KAT2B: variants seen among roughly 807,000 people sequenced by gnomAD.
KAT2B encodes the protein histone acetyltransferase KAT2B.
KAT2B carries 36 observed loss-of-function variants against 105.9 expected under a neutral mutation model. The observed-to-expected ratio is 0.34, with a 90% CI of 0.26 to 0.45. KAT2B has a LOEUF of 0.45. KAT2B is among the 20% of genes least tolerant of loss of function. The pLI is 1.00. For synonymous variants in KAT2B, 397 were observed against 377.9 expected (o/e 1.05, Z -0.59); for missense variants, 820 against 1,021.6 (o/e 0.80, Z 2.69).
chr3:20,060,447 C>T (rs1284799105), intron 1 of KAT2B, among the ~76,000 whole-genome samples: 2 of 151,866 alleles, frequency 1.3e-5, no homozygotes, highest in Non-Finnish European at 2.9e-5. Flanking sequence ...ACTAAAAATA[C>T]AAAATTAGCT....
intron 3 of KAT2B, among the ~76,000 whole-genome samples, chr3:20,096,290 T>C (rs1460891173): frequency 6.6e-6 from 1 of 152,200 alleles, no homozygotes; most frequent in Non-Finnish European, 1.5e-5. Flanking sequence ...TCACTAGTTC[T>C]ACCTCAGCTC....
chr3:20,126,052 G>C lies in KAT2B; in HGVS notation c.1561G>C (p.Val521Leu). 6.2e-7 allele frequency: 1 copy of C among 1,613,938 alleles called. No homozygotes were observed. Among genetic ancestry groups the C allele is most frequent in the Non-Finnish European group, 8.5e-7 (1 of 1,179,938 alleles). ...ILMWLVGLQN[V>L]FSHQLPRMPK... The stretch of plus-strand genomic sequence containing the variant: ...GATGTGGCTGGTTGGCCTACAGAAC[G>C]TTTTCTCCCACCAGCTGCCCCGAAT... Residue 521 changes from valine (V) to leucine (L), a missense_variant, in exon 10 of 18, where the codon GTT becomes CTT. By Grantham distance (32) the Val-to-Leu change is conservative. Coordinates refer to ENST00000263754, the MANE Select transcript of KAT2B (RefSeq NM_003884.5).
intron 13 of KAT2B, among the ~76,000 whole-genome samples, chr3:20,144,283 T>TTTC (rs1559332441): frequency 3.5e-5 from 2 of 56,984 alleles, no homozygotes; most frequent in Non-Finnish European, 6.7e-5. Context: ...ATTCTTTTTT[T>TTTC]TTTTTTTTTT....
chr3:20,065,764 G>T (rs946311277), intron 1 of KAT2B, among the ~76,000 whole-genome samples: 1 of 152,086 alleles, frequency 6.6e-6, no homozygotes, highest in Non-Finnish European at 1.5e-5. Flanking sequence ...TATCAATAGG[G>T]TATAACTTTA....
intron 2 of KAT2B, among the ~76,000 whole-genome samples, chr3:20,087,015 C>G (rs1257681922): frequency 6.6e-6 from 1 of 152,096 alleles, no homozygotes; most frequent in Non-Finnish European, 1.5e-5. Context: ...CTCCTGACCT[C>G]GTGATCCACC....
chr3:20,082,481 A>T (rs769106490), intron 2 of KAT2B, among the ~76,000 whole-genome samples: 1 of 152,102 alleles, frequency 6.6e-6, no homozygotes, highest in African/African-American at 2.4e-5. Context: ...CTTTCCATTA[A>T]GCCTCCACTC....
chr3:20,099,267 T>C (rs1559312950), intron 3 of KAT2B, among the ~76,000 whole-genome samples: 1 of 152,184 alleles, frequency 6.6e-6, no homozygotes, highest in Non-Finnish European at 1.5e-5. Context: ...AAAAAAAGAC[T>C]GTAACAGTGA....
At chr3:20,074,584 T>A (rs1273456193) in intron 2 of KAT2B, among the ~76,000 whole-genome samples, 1 of 152,220 alleles carries the variant, frequency 6.6e-6, no homozygotes, top group South Asian at 2.1e-4. Flanking sequence ...CAGGGTTCTT[T>A]TACTTCACAC....
intron 17 of KAT2B, among the ~76,000 whole-genome samples, chr3:20,150,803 C>T (rs1025002289): frequency 1.4e-5 from 2 of 142,724 alleles, no homozygotes; most frequent in Admixed American, 7.1e-5. Flanking sequence ...TCTTTTCTTA[C>T]CCATCTCCTA....
chr3:20,119,750 G>C, intron 8 of KAT2B, 27 bp downstream of exon 8: 1 of 1,612,480 alleles, frequency 6.2e-7, no homozygotes, highest in South Asian at 1.1e-5. Flanking sequence ...GGATAAGAGA[G>C]GGCTGTGACT....
intron 10 of KAT2B, among the ~76,000 whole-genome samples, 188 bp from the exon 11 acceptor site, chr3:20,127,235 T>C (rs1042112561): frequency 1.3e-5 from 2 of 152,148 alleles, no homozygotes; most frequent in Non-Finnish European, 2.9e-5. Flanking sequence ...TGACATCTTG[T>C]GCAGGCGACC....
chr3:20,132,001 T>C (rs563433728), intron 11 of KAT2B, among the ~76,000 whole-genome samples: 4 of 152,352 alleles, frequency 2.6e-5, no homozygotes, highest in African/African-American at 9.6e-5. Flanking sequence ...TTTATGTGGA[T>C]TTATTGTGCT....
chr3:20,062,390 TAATA>T (rs1698151062), intron 1 of KAT2B, among the ~76,000 whole-genome samples: 1 of 95,900 alleles, frequency 1.0e-5, no homozygotes, highest in Non-Finnish European at 1.9e-5. Flanking sequence ...ATATATAACA[TAATA>T]AATTATATAT....
At position 20,118,213 on chromosome 3, in the gene KAT2B, ATTTACATATGTAAATATG is replaced by A. The variant is rs1338876811; in HGVS notation, c.1151-1383_1151-1366del. Among the ~76,000 whole-genome samples the A allele has an allele frequency of 4.1e-5, 6 of 146,600 alleles. No homozygotes were observed. In the East Asian group the frequency reaches 1.2e-3, roughly 29 times the overall value. On this transcript the variant is annotated intron_variant, in intron 7 of 17. Coordinates refer to ENST00000263754, the MANE Select transcript of KAT2B (RefSeq NM_003884.5). ...TAAATTTATATATAATATACTATAT[ATTTACATATGTAAATATG>A]TAAATATATTTACATTTTTACAAAA...
chr3:20,087,606 C>T (rs569557386), intron 2 of KAT2B, among the ~76,000 whole-genome samples: 23 of 152,176 alleles, frequency 1.5e-4, no homozygotes, highest in African/African-American at 4.8e-4. Flanking sequence ...AATTGATCTC[C>T]AGAACTTCTG....
chr3:20,140,616 G>A (rs1283918891), intron 13 of KAT2B, among the ~76,000 whole-genome samples: 1 of 151,946 alleles, frequency 6.6e-6, no homozygotes, highest in African/African-American at 2.4e-5. Context: ...TCAGCCTCCC[G>A]AGTAGCTAAG....
At chr3:20,082,259 T>C (rs1698533217) in intron 2 of KAT2B, among the ~76,000 whole-genome samples, 1 of 152,148 alleles carries the variant, frequency 6.6e-6, no homozygotes, top group East Asian at 1.9e-4. Context: ...GGTCTCGAAC[T>C]ACTGACCTCA....
At position 20,099,632 on chromosome 3, in the gene KAT2B, C is replaced by A. The variant is rs558893024; in HGVS notation, c.577-230C>A. 4.1e-4 allele frequency among the ~76,000 whole-genome samples: 62 copies of A among 152,158 alleles called. 1 individual carries two copies. In the South Asian group the frequency reaches 0.013, roughly 31 times the overall value. On this transcript the variant is annotated intron_variant, in intron 3 of 17. Transcript: ENST00000263754. Reference sequence around the variant, plus strand: ...GGTGTCCATTTCTTCATAACTCTGGCCGTGGACATGAAGGCCAATTTGGGT... The same window carrying A: ...GGTGTCCATTTCTTCATAACTCTGGACGTGGACATGAAGGCCAATTTGGGT...
At chr3:20,139,131 T>A (rs1352979161) in intron 12 of KAT2B, among the ~76,000 whole-genome samples, 2 of 151,956 alleles carry the variant, frequency 1.3e-5, no homozygotes, top group Non-Finnish European at 2.9e-5. Flanking sequence ...CCTGGGCTGG[T>A]CTTGAACTCT....
Sources: gnomAD v4.1 joint callset for allele counts (sites outside exome capture counted in the v4.1 genomes callset) on GRCh38, gnomAD v4.1.1 for gene constraint, MANE v1.5 for transcripts, NCBI Gene and HGNC (gene_info 2026-07-23, HGNC 2026-07-21) for gene names.